The following SAMMSON variants were observed in gnomAD, a reference collection of about 807,000 sequenced individuals.
SAMMSON encodes survival associated mitochondrial melanoma specific oncogenic non-coding RNA, also known as long intergenic non-protein coding RNA 1212.
In SAMMSON at chr3:70,279,949, G is replaced by C. The variant is rs377324831; in HGVS notation, n.675-11230G>C. ...GAGATCCTGTCTTTGCTCCATTACT[G>C]TAGTTGTTTTTTAGGGTTGCTGTAA... On this transcript the variant is annotated intron_variant and non_coding_transcript_variant, in intron 6 of 9. Coordinates refer to ENST00000642114, the Ensembl canonical transcript of SAMMSON. Among the ~76,000 whole-genome samples the C allele has an allele frequency of 1.3e-4, 20 of 152,234 alleles. No homozygotes were observed. In the South Asian group the frequency reaches 4.1e-3, roughly 32 times the overall value.
intron 4 of SAMMSON, among the ~76,000 whole-genome samples, chr3:70,149,472 GCAAATTATCAGGACC>G (rs2067562813): frequency 6.6e-6 from 1 of 152,042 alleles, no homozygotes; most frequent in South Asian, 2.1e-4. Context: ...CATTAAAGAT[GCAAATTATCAGGACC>G]CACCCCAGAC....
chr3:70,085,950 A>G (rs962061857), intron 4 of SAMMSON, among the ~76,000 whole-genome samples: 2 of 152,214 alleles, frequency 1.3e-5, no homozygotes, highest in Non-Finnish European at 2.9e-5. Flanking sequence ...AATTTTAAGG[A>G]ATAAAACAAT....
At chr3:70,287,736 T>G (rs1702181438) in intron 6 of SAMMSON, among the ~76,000 whole-genome samples, 2 of 151,708 alleles carry the variant, frequency 1.3e-5, no homozygotes, top group African/African-American at 2.4e-5. Flanking sequence ...CAATTTCAGA[T>G]CCTGTTATTG....
chr3:70,434,027 A>G (rs1701436998), intron 2 of SAMMSON, among the ~76,000 whole-genome samples: 1 of 152,106 alleles, frequency 6.6e-6, no homozygotes, highest in Non-Finnish European at 1.5e-5. Flanking sequence ...CTAATACCAC[A>G]CTTTCTTGAT....
Position 70,003,322 on chromosome 3 carries a change from C to T in SAMMSON, n.22+3455C>T, listed in dbSNP as rs75974586. On this transcript the variant is annotated intron_variant and non_coding_transcript_variant, in intron 1 of 9. Coordinates refer to ENST00000642114, the Ensembl canonical transcript of SAMMSON. ...TGTCATTTAAATGGAGCATTTAGTA[C>T]ATTTATAGTTAATGTAATTATTGAT... Among the ~76,000 whole-genome samples the T allele has an allele frequency of 6.2e-4, 94 of 152,000 alleles. No individual in the cohort carries two copies. The East Asian group carries it at 0.015, about 24-fold the overall frequency.
intron 7 of SAMMSON, among the ~76,000 whole-genome samples, chr3:70,297,201 T>G (rs1176272503): frequency 1.3e-5 from 2 of 152,270 alleles, no homozygotes; most frequent in Admixed American, 1.3e-4. Flanking sequence ...AATAAGTGTA[T>G]GAATTATTTT....
intron 2 of SAMMSON, among the ~76,000 whole-genome samples, chr3:70,397,677 G>GA (rs932065647): frequency 6.6e-5 from 10 of 151,566 alleles, no homozygotes; most frequent in African/African-American, 2.4e-4. Flanking sequence ...AATTTCCTTA[G>GA]AAAAAAATCC....
intron 4 of SAMMSON, among the ~76,000 whole-genome samples, chr3:70,164,763 A>T (rs1266043646): frequency 6.6e-6 from 1 of 152,102 alleles, no homozygotes; most frequent in Non-Finnish European, 1.5e-5. Context: ...TAAGTGAGTT[A>T]TCACATATGA....
intron 3 of SAMMSON, among the ~76,000 whole-genome samples, chr3:70,040,586 A>C (rs1176847998): frequency 6.6e-6 from 1 of 152,138 alleles, no homozygotes; most frequent in Non-Finnish European, 1.5e-5. Flanking sequence ...CCGGGAATCT[A>C]AAATCATGAG....
chr3:70,380,494 A>C (rs1703056062), intron 9 of SAMMSON, among the ~76,000 whole-genome samples: 1 of 152,132 alleles, frequency 6.6e-6, no homozygotes, highest in South Asian at 2.1e-4. Flanking sequence ...ATGTGTGCTA[A>C]GTGTTCAGAA....
rs71672662 is a variant in SAMMSON at position 70,237,979 on chromosome 3, C to CTTTT, written n.508-11105_508-11102dup. ...GGAAAAGAAACTAATTGAGTGGTAT[C>CTTTT]TTTTTTTTTTTTTTTTTTTTTTTTT... On this transcript the variant is annotated intron_variant and non_coding_transcript_variant, in intron 4 of 9. Transcript: ENST00000642114. Among the ~76,000 whole-genome samples the CTTTT allele has an allele frequency of 8.1e-3, 395 of 48,912 alleles. 102 individuals are homozygous for CTTTT. The highest frequency in any genetic ancestry group is 0.026 in the African/African-American group (244 of 9,404). 32.1% of individuals were successfully genotyped at this position (48,912 alleles called of 152,430 possible). A position where few individuals can be genotyped will look rare whatever the true frequency, so the allele number is the denominator to read the frequency against.
At chr3:70,141,035 A>G (rs1391762416) in intron 4 of SAMMSON, among the ~76,000 whole-genome samples, 1 of 150,684 alleles carries the variant, frequency 6.6e-6, no homozygotes, top group African/African-American at 2.4e-5. Context: ...TTTTGTTTTT[A>G]TTTTCTTTTT....
At chr3:70,315,312 G>C (rs1239701089) in intron 7 of SAMMSON, among the ~76,000 whole-genome samples, 1 of 152,028 alleles carries the variant, frequency 6.6e-6, no homozygotes, top group Non-Finnish European at 1.5e-5. Context: ...CCTTTGAACA[G>C]GCTTTTGTTC....
chr3:70,220,562 A>G (rs1433444108), intron 4 of SAMMSON, among the ~76,000 whole-genome samples: 1 of 152,200 alleles, frequency 6.6e-6, no homozygotes, highest in Non-Finnish European at 1.5e-5. Context: ...GAATTTCAAC[A>G]TACAAAACTA....
intron 6 of SAMMSON, among the ~76,000 whole-genome samples, chr3:70,251,642 T>C (rs796092081): frequency 1.3e-5 from 2 of 152,348 alleles, no homozygotes; most frequent in African/African-American, 4.8e-5. Flanking sequence ...ATTTAGGTTC[T>C]GCTTTTGCAT....
At chr3:70,100,986 G>A (rs781754216) in intron 4 of SAMMSON, among the ~76,000 whole-genome samples, 1 of 152,094 alleles carries the variant, frequency 6.6e-6, no homozygotes, top group East Asian at 1.9e-4. Flanking sequence ...TTACAGCTTT[G>A]ATGAAGCTTT....
chr3:70,232,928 C>T lies in SAMMSON; in HGVS notation n.508-16179C>T, dbSNP rs369189208. ...CCTATGCTAGGCGTGGGGGTTCACA[C>T]CGGTAATCCCAGCACTTTGGAAGGC... On this transcript the variant is annotated intron_variant and non_coding_transcript_variant, in intron 4 of 9. Transcript: ENST00000642114. 1.2e-3 allele frequency among the ~76,000 whole-genome samples: 183 copies of T among 152,212 alleles called. 1 individual carries two copies. The South Asian group carries it at 0.037, about 30-fold the overall frequency.
chr3:70,299,237 G>C (rs1278847250), intron 7 of SAMMSON, among the ~76,000 whole-genome samples: 1 of 152,032 alleles, frequency 6.6e-6, no homozygotes, highest in South Asian at 2.1e-4. Context: ...GCCCTAGAAA[G>C]GTGTTCACAT....
intron 4 of SAMMSON, among the ~76,000 whole-genome samples, chr3:70,195,890 A>G (rs997461802): frequency 6.6e-6 from 1 of 152,138 alleles, no homozygotes; most frequent in Non-Finnish European, 1.5e-5. Flanking sequence ...AGTCTATATC[A>G]CATCTTTTTC....
Sources: allele counts gnomAD v4.1 joint callset (sites outside exome capture counted in the v4.1 genomes callset), GRCh38; gene constraint gnomAD v4.1.1; transcripts MANE v1.5; gene names NCBI Gene and HGNC (gene_info 2026-07-23, HGNC 2026-07-21).